Variants in PRPF18 observed in about 807,000 individuals in gnomAD.
PRPF18 encodes the protein pre-mRNA-splicing factor 18.
A neutral mutation model predicts 46.5 loss-of-function variants in PRPF18; 38 were observed. That is an observed-to-expected ratio of 0.82 (90% CI 0.63 to 1.07). PRPF18 has a LOEUF of 1.07. Among genes scored for constraint, PRPF18 ranks in the 50% least tolerant of loss-of-function variants. The probability of loss-of-function intolerance (pLI) is 0.00; values close to 1 mark genes in which losing one functional copy is unlikely to be tolerated. For missense variants in PRPF18, 263 were observed against 410.0 expected, an observed-to-expected ratio of 0.64 and a Z score of 3.10; for synonymous variants, 152 against 146.7, an observed-to-expected ratio of 1.04 and a Z score of -0.26.
the PRPF18 span, chr10:13,655,793 T>C: frequency 6.6e-6 from 1 of 152,264 alleles, no homozygotes; most frequent in Non-Finnish European, 1.5e-5. Context: ...ATTCTTATGA[T>C]GTTTACCATT....
chr10:13,622,704 T>C (rs1174400066), intron 9 of PRPF18, among the ~76,000 whole-genome samples: 2 of 152,222 alleles, frequency 1.3e-5, no homozygotes, highest in African/African-American at 2.4e-5. Context: ...TGAAGCTATC[T>C]GTTTTCTTTA....
At chr10:13,618,885 T>G (rs2080385614) in intron 9 of PRPF18, among the ~76,000 whole-genome samples, 1 of 152,164 alleles carries the variant, frequency 6.6e-6, no homozygotes, top group Non-Finnish European at 1.5e-5. Flanking sequence ...AGACTCTTGG[T>G]GAGAATCTGG....
rs752453925 is a variant in PRPF18, at chr10:13,630,330, A to G, written c.1019A>G (p.Asn340Ser). 10 of 1,608,410 alleles carry G rather than the reference A, an allele frequency of 6.2e-6. 1 individual carries two copies. Among genetic ancestry groups the G allele is most frequent in the South Asian group, 3.3e-5 (3 of 90,976 alleles). The change falls in exon 10 of 10, where the codon AAT (asparagine) becomes AGT (serine). Residue 340 changes from asparagine to serine, a missense_variant. By Grantham distance (46) the Asn-to-Ser change is conservative. Transcript: ENST00000378572. ...PTDPSKCVEY[N>S]AL ...GACCCATCCAAATGTGTGGAGTACA[A>G]TGCACTGTGAGATCTGTGTATGGTG...
intron 3 of PRPF18, among the ~76,000 whole-genome samples, chr10:13,601,084 C>T (rs1420251967): frequency 6.6e-6 from 1 of 151,986 alleles, no homozygotes; most frequent in African/African-American, 2.4e-5. Flanking sequence ...CCTGGCCGCA[C>T]CGTAATATTT....
intron 9 of PRPF18, among the ~76,000 whole-genome samples, chr10:13,618,616 A>G (rs543917341): frequency 7.4e-4 from 59 of 79,910 alleles, no homozygotes; most frequent in Non-Finnish European, 1.3e-3. Context: ...AGACCCTGTC[A>G]AAAAAAAAAA....
the PRPF18 span, chr10:13,638,874 C>T: frequency 1.6e-5 from 2 of 122,292 alleles, no homozygotes; most frequent in African/African-American, 2.8e-5. Context: ...CAAAATTAAC[C>T]ATCACAGCTG....
Position 13,630,318 on chromosome 10 carries a change from G to T in PRPF18, c.1007G>T (p.Cys336Phe), listed in dbSNP as rs371084398. 23 of 1,611,110 alleles carry T rather than the reference G, an allele frequency of 1.4e-5. No individual in the cohort carries two copies. Among genetic ancestry groups the T allele is most frequent in the Non-Finnish European group, 2.0e-5 (23 of 1,177,346 alleles). ...CACTTTCCTACAGACCCATCCAAATGTGTGGAGTACAATGCACTGTGAGAT... is the reference window on the plus strand; with the variant it reads ...CACTTTCCTACAGACCCATCCAAATTTGTGGAGTACAATGCACTGTGAGAT... ...QKHFPTDPSK[C>F]VEYNAL The change falls in exon 10 of 10, where the codon TGT becomes TTT. Residue 336 changes from cysteine (C) to phenylalanine (F), a missense_variant. Cys to Phe is a radical substitution (Grantham distance 205, BLOSUM62 -2). Around this residue, in one of 4 missense-constraint regions of PRPF18, gnomAD observed 20 missense variants for 21.5 expected, o/e 0.93. Coordinates refer to ENST00000378572, the MANE Select transcript of PRPF18 (RefSeq NM_003675.4).
rs573470945 is a variant in PRPF18, at chr10:13,587,027, C to T, written c.-60C>T. 270 of 1,565,914 alleles carry T rather than the reference C, an allele frequency of 1.7e-4. No individual in the cohort carries two copies. The highest frequency in any genetic ancestry group is 2.1e-4 in the Non-Finnish European group (239 of 1,136,200). ...CTCAGTGGGTTCGCGGCCGCCGGCC[C>T]AGTGAGGCTGGGTTCGAGGAGCTGG... On this transcript the variant is annotated 5_prime_UTR_variant, in exon 1 of 10. Transcript: ENST00000378572.
At chr10:13,652,051 A>AT in the PRPF18 span, 2 of 816,874 alleles carry the variant, frequency 2.4e-6, no homozygotes, top group South Asian at 2.7e-5. Context: ...CACAGACACG[A>AT]TTAGTAGCTT....
chr10:13,603,773 T>C (rs957340164), intron 3 of PRPF18, among the ~76,000 whole-genome samples: 2 of 152,246 alleles, frequency 1.3e-5, no homozygotes, highest in African/African-American at 4.8e-5. Flanking sequence ...TATTATTTAG[T>C]TCTACATTAC....
the PRPF18 span, chr10:13,643,693 G>C: frequency 9.8e-5 from 15 of 152,646 alleles, no homozygotes; most frequent in Admixed American, 2.0e-4. Flanking sequence ...AAATCTCCAG[G>C]AGGCAGCTGG....
At chr10:13,604,752 G>A (rs1333954324) in intron 3 of PRPF18, among the ~76,000 whole-genome samples, 1 of 152,182 alleles carries the variant, frequency 6.6e-6, no homozygotes, top group African/African-American at 2.4e-5. Flanking sequence ...TGGTAACACA[G>A]TATATCTGTT....
rs1276904455 is a variant in PRPF18, at chr10:13,597,464, A to C, written c.73A>C (p.Lys25Gln). The change falls in exon 2 of 10, where the codon AAA becomes CAA. Residue 25 changes from lysine (K) to glutamine (Q), a missense_variant. Physicochemically the swap from Lys to Gln is moderately conservative, Grantham distance 53. This residue lies in a region of PRPF18 where 71 missense variants were observed against 69.2 expected (regional missense o/e 1.03). Coordinates refer to ENST00000378572, the MANE Select transcript of PRPF18 (RefSeq NM_003675.4). The part of the protein sequence containing the change: ...VEDRNLLVEN[K>Q]KYFKRSELAK... ...AATTTATTTTCTTTAATAGGAAAAT[A>C]AAAAATATTTCAAGCGTAGTGAGCT... 1.1e-5 allele frequency: 18 copies of C among 1,589,788 alleles called. 1 individual carries two copies. Among genetic ancestry groups the C allele is most frequent in the Non-Finnish European group, 1.5e-5 (18 of 1,168,820 alleles).
chr10:13,640,291 T>TG, the PRPF18 span: 84,663 of 151,992 alleles, frequency 0.56, 24,009 homozygotes, highest in East Asian at 0.79. Flanking sequence ...CTTCACTATC[T>TG]GTTGACAGTT....
At chr10:13,609,452 C>A (rs2080241092) in intron 4 of PRPF18, among the ~76,000 whole-genome samples, 1 of 152,208 alleles carries the variant, frequency 6.6e-6, no homozygotes, top group Admixed American at 6.5e-5. Context: ...AGCCATGTTT[C>A]CTTGGCTCTT....
chr10:13,593,523 A>G (rs2079993079), intron 1 of PRPF18, among the ~76,000 whole-genome samples: 1 of 152,238 alleles, frequency 6.6e-6, no homozygotes, highest in African/African-American at 2.4e-5. Flanking sequence ...TAGATTAAAC[A>G]GTTTAATGTG....
chr10:13,618,383 T>A (rs1019408609), intron 9 of PRPF18, among the ~76,000 whole-genome samples: 1 of 151,956 alleles, frequency 6.6e-6, no homozygotes, highest in Non-Finnish European at 1.5e-5. Context: ...ATCCCAACAC[T>A]TCGAGTGGCT....
At chr10:13,590,620 CAA>C (rs35395677) in intron 1 of PRPF18, among the ~76,000 whole-genome samples, 1,718 of 84,338 alleles carry the variant, frequency 0.02, 27 homozygotes, top group African/African-American at 0.067. Context: ...GACTCCATCT[CAA>C]AAAAAAAAAA....
intron 9 of PRPF18, among the ~76,000 whole-genome samples, chr10:13,626,803 A>ATT (rs56355221): frequency 0.31 from 45,816 of 149,676 alleles, 8,537 homozygotes; most frequent in East Asian, 0.73. Context: ...GAATCGTGTG[A>ATT]TTTTTTTTTT....
Sources: gnomAD v4.1 joint callset for allele counts (sites outside exome capture counted in the v4.1 genomes callset) on GRCh38, gnomAD v4.1.1 for gene constraint, gnomAD v4.1.1 regional missense constraint, MANE v1.5 for transcripts, NCBI Gene and HGNC (gene_info 2026-07-23, HGNC 2026-07-21) for gene names.